The following SLC9C1 variants were observed in gnomAD, a reference collection of about 807,000 sequenced individuals.
SLC9C1 encodes sodium/hydrogen exchanger 10.
A neutral mutation model predicts 140.9 loss-of-function variants in SLC9C1; 97 were observed. The ratio of observed to expected loss-of-function variants is 0.69; its 90% CI spans 0.58 to 0.82. The LOEUF is 0.82. SLC9C1 is among the 40% of genes least tolerant of loss of function. The pLI is 0.00. For synonymous variants in SLC9C1, 440 were observed against 442.6 expected, an observed-to-expected ratio of 0.99 and a Z score of 0.07; for missense variants, 1,340 against 1,389.3, an observed-to-expected ratio of 0.96 and a Z score of 0.56.
intron 14 of SLC9C1, among the ~76,000 whole-genome samples, chr3:112,218,072 C>T (rs190333557): frequency 3.3e-5 from 5 of 152,042 alleles, no homozygotes; most frequent in Admixed American, 3.3e-4. Context: ...TTTAGAATGA[C>T]TAAAAATGAG....
rs569066839 is a variant in SLC9C1 at position 112,210,645 on chromosome 3, T to A, written c.1791-2272A>T. 2.0e-5 allele frequency among the ~76,000 whole-genome samples: 3 copies of A among 152,360 alleles called. No individual in the cohort carries two copies. The South Asian group carries it at 6.2e-4, about 32-fold the overall frequency. ...AAATGGTTAATGGTTAACTTATGTA[T>A]ATGAAATTTACCTCAATTAAAAAGA... is the stretch of plus-strand genomic sequence containing the variant. On this transcript the variant is annotated intron_variant, in intron 15 of 28. Coordinates refer to ENST00000305815, the MANE Select transcript of SLC9C1 (RefSeq NM_183061.3).
At chr3:112,290,666 CTAT>C (rs1194959083) in intron 1 of SLC9C1, among the ~76,000 whole-genome samples, 1 of 152,120 alleles carries the variant, frequency 6.6e-6, no homozygotes, top group African/African-American at 2.4e-5. Context: ...AAGTCTCCCA[CTAT>C]TATTATGTGG....
chr3:112,210,168 T>C (rs6773161), intron 15 of SLC9C1, among the ~76,000 whole-genome samples: 44,521 of 152,116 alleles, frequency 0.29, 6,690 homozygotes, highest in East Asian at 0.35. Flanking sequence ...CCCTGGGATA[T>C]GCCCTTGAGT....
chr3:112,250,935 A>T (rs1270194267), intron 10 of SLC9C1, among the ~76,000 whole-genome samples: 1 of 152,198 alleles, frequency 6.6e-6, no homozygotes, highest in Non-Finnish European at 1.5e-5. Context: ...AGACATATGC[A>T]TGTGTATGTT....
intron 10 of SLC9C1, among the ~76,000 whole-genome samples, chr3:112,249,547 G>A (rs372881395): frequency 6.6e-6 from 1 of 152,090 alleles, no homozygotes; most frequent in African/African-American, 2.4e-5. Flanking sequence ...GCTCTTTAAA[G>A]TACAATTCAT....
intron 26 of SLC9C1, among the ~76,000 whole-genome samples, chr3:112,156,495 C>T (rs555362152): frequency 3.3e-5 from 5 of 152,024 alleles, no homozygotes; most frequent in African/African-American, 1.2e-4. Context: ...GTGAAGACAT[C>T]GCTTCAACAT....
intron 26 of SLC9C1, among the ~76,000 whole-genome samples, chr3:112,164,067 C>T (rs1362017944): frequency 6.6e-6 from 1 of 151,932 alleles, no homozygotes; most frequent in African/African-American, 2.4e-5. Flanking sequence ...GGTTTAAAGT[C>T]TGTTTTATCA....
chr3:112,271,811 A>G (rs1036849025), intron 6 of SLC9C1, among the ~76,000 whole-genome samples: 1 of 152,192 alleles, frequency 6.6e-6, no homozygotes, highest in Non-Finnish European at 1.5e-5. Context: ...TTGGCCTGCC[A>G]AAGTGACTGA....
intron 7 of SLC9C1, 33 bp downstream of exon 7, chr3:112,269,883 T>C (rs1046744829): frequency 2.8e-6 from 4 of 1,445,442 alleles, no homozygotes; most frequent in Non-Finnish European, 3.6e-6. Flanking sequence ...GTTTTCTATG[T>C]GATTTTATTT....
Position 112,251,004 on chromosome 3 carries a change from G to A in SLC9C1, c.1198-6928C>T, listed in dbSNP as rs1265449213. Among the ~76,000 whole-genome samples the A allele has an allele frequency of 2.6e-5, 4 of 152,072 alleles. No individual in the cohort carries two copies. The East Asian group carries it at 5.8e-4, about 22-fold the overall frequency. On this transcript the variant is annotated intron_variant, in intron 10 of 28. Coordinates refer to ENST00000305815, the MANE Select transcript of SLC9C1 (RefSeq NM_183061.3). ...AAATCAAGCAAAATGCCCATCAATT[G>A]TAGACTGGATAAAGAAAATGTGGTA...
chr3:112,287,598 C>T (rs897100487), intron 1 of SLC9C1, among the ~76,000 whole-genome samples: 1 of 152,202 alleles, frequency 6.6e-6, no homozygotes, highest in East Asian at 1.9e-4. Context: ...CAGTTAACCA[C>T]AGTCAGGCAA....
At chr3:112,235,809 G>A (rs1467978142) in intron 12 of SLC9C1, among the ~76,000 whole-genome samples, 1 of 152,220 alleles carries the variant, frequency 6.6e-6, no homozygotes, top group South Asian at 2.1e-4. Flanking sequence ...TTGCATCCCA[G>A]GGATGAAGCC....
Position 112,252,921 on chromosome 3 carries a change from T to G in SLC9C1, c.1198-8845A>C, listed in dbSNP as rs533733772. 2.6e-5 allele frequency among the ~76,000 whole-genome samples: 4 copies of G among 152,244 alleles called. No individual in the cohort carries two copies. In the East Asian group the frequency reaches 5.8e-4, roughly 22 times the overall value. On this transcript the variant is annotated intron_variant, in intron 10 of 28. Transcript: ENST00000305815. ...GGCTGGCAAAATGTCTGTACCTCCC[T>G]GGGTTGGAGTTCCCAAAGGGAGGGG...
At chr3:112,165,664 G>C (rs577667684) in intron 26 of SLC9C1, among the ~76,000 whole-genome samples, 7 of 152,304 alleles carry the variant, frequency 4.6e-5, no homozygotes, top group Non-Finnish European at 7.3e-5. Flanking sequence ...GCCATTTGAG[G>C]TGTCAGTCTG....
rs748545278 is a variant in SLC9C1, at chr3:112,292,991, GAGCACAGTGGCT to G, written c.-88+1090_-88+1101del. On this transcript the variant is annotated intron_variant, in intron 1 of 28. Coordinates refer to ENST00000305815, the MANE Select transcript of SLC9C1 (RefSeq NM_183061.3). ...TAATTTAACAATAAGTTAGTTGACTGAGCACAGTGGCTCACGCCTGTAATCCCAGCACTTTGG... is the reference window on the plus strand; with the variant it reads ...TAATTTAACAATAAGTTAGTTGACTGCACGCCTGTAATCCCAGCACTTTGG... Among the ~76,000 whole-genome samples, 78 of 77,614 alleles carry G rather than the reference GAGCACAGTGGCT, an allele frequency of 1.0e-3. 1 individual carries two copies. The highest frequency in any genetic ancestry group is 1.9e-3 in the Non-Finnish European group (66 of 33,886). 50.9% of individuals were successfully genotyped at this position (77,614 alleles called of 152,430 possible). A position where few individuals can be genotyped will look rare whatever the true frequency, so the allele number is the denominator to read the frequency against.
chr3:112,155,065 A>C lies in SLC9C1; in HGVS notation c.3365-16T>G. 1 of 1,597,596 alleles carries C rather than the reference A, an allele frequency of 6.3e-7. No individual in the cohort carries two copies. Among genetic ancestry groups the C allele is most frequent in the Non-Finnish European group, 8.5e-7 (1 of 1,175,190 alleles). Reference sequence around the variant, plus strand: ...CCAACTGAACCTGATTAAAAAAAAAAAAAACAGTGTTAATTCAACCACTGA... The same window carrying C: ...CCAACTGAACCTGATTAAAAAAAAACAAAACAGTGTTAATTCAACCACTGA... On this transcript the variant is annotated splice_polypyrimidine_tract_variant and intron_variant, in intron 26 of 28. Transcript: ENST00000305815.
chr3:112,186,039 A>G, intron 20 of SLC9C1: 1 of 1,319,582 alleles, frequency 7.6e-7, no homozygotes, highest in Non-Finnish European at 1.0e-6. Context: ...CCATTTAAAT[A>G]TCTTCCGCTG....
chr3:112,189,248 T>C (rs2077601010), intron 20 of SLC9C1, among the ~76,000 whole-genome samples: 2 of 152,368 alleles, frequency 1.3e-5, no homozygotes, highest in South Asian at 4.1e-4. Context: ...ATTCCATTTG[T>C]CAATTTTGGC....
At chr3:112,272,055 G>A (rs2080092950) in intron 6 of SLC9C1, among the ~76,000 whole-genome samples, 1 of 152,128 alleles carries the variant, frequency 6.6e-6, no homozygotes, top group African/African-American at 2.4e-5. Flanking sequence ...AAAACAGGGA[G>A]CCCAAGGCCA....
Sources: gnomAD v4.1 joint callset for allele counts (sites outside exome capture counted in the v4.1 genomes callset) on GRCh38, gnomAD v4.1.1 for gene constraint, MANE v1.5 for transcripts, NCBI Gene and HGNC (gene_info 2026-07-23, HGNC 2026-07-21) for gene names.